Variants in SGIP1 observed in about 807,000 individuals in gnomAD.
SGIP1 encodes the protein SH3-containing GRB2-like protein 3-interacting protein 1.
In SGIP1, 38 loss-of-function variants were observed where a neutral mutation model predicts 107.5. The observed-to-expected ratio is 0.35, with a 90% confidence interval of 0.27 to 0.46. The LOEUF (loss-of-function observed/expected upper bound fraction) is 0.46. SGIP1 is among the 20% of genes least tolerant of loss of function. SGIP1 has a pLI of 1.00. For missense variants in SGIP1, 929 were observed against 1,019.5 expected, an observed-to-expected ratio of 0.91 and a Z score of 1.21; for synonymous variants, 365 against 366.1, an observed-to-expected ratio of 1.00 and a Z score of 0.03.
At chr1:66,543,785 C>T (rs553358408) in intron 1 of SGIP1, among the ~76,000 whole-genome samples, 54 of 152,178 alleles carry the variant, frequency 3.5e-4, no homozygotes, top group African/African-American at 1.0e-3. Flanking sequence ...CTCAGCTTCC[C>T]CATTTGTAAG....
intron 5 of SGIP1, among the ~76,000 whole-genome samples, chr1:66,641,875 G>A (rs2076857068): frequency 6.6e-6 from 1 of 152,070 alleles, no homozygotes; most frequent in Admixed American, 6.6e-5. Flanking sequence ...CCTTCCCTCT[G>A]CTTTTTCTCC....
In SGIP1 at chr1:66,676,985, T is replaced by A. The variant is rs866789122; in HGVS notation, c.647-19T>A. On this transcript the variant is annotated intron_variant, in intron 12 of 24. Coordinates refer to ENST00000371037, the MANE Select transcript of SGIP1 (RefSeq NM_032291.4). ...ATTTTTTTTAACTCACCCTGGGAAA[T>A]CTTCTTTTTTGTTTCCAGTTCTTTT... is the stretch of plus-strand genomic sequence containing the variant. 6.3e-7 allele frequency: 1 copy of A among 1,580,010 alleles called. No individual in the cohort carries two copies. The highest frequency in any genetic ancestry group is 8.6e-7 in the Non-Finnish European group (1 of 1,168,630).
chr1:66,542,347 G>A (rs966960910), intron 1 of SGIP1, among the ~76,000 whole-genome samples: 1 of 152,048 alleles, frequency 6.6e-6, no homozygotes, highest in African/African-American at 2.4e-5. Context: ...ATGTGAATGC[G>A]GTGTCTGTCT....
chr1:66,736,427 G>A (rs947434216), intron 21 of SGIP1, among the ~76,000 whole-genome samples: 7 of 94,606 alleles, frequency 7.4e-5, no homozygotes, highest in Admixed American at 1.0e-4. Context: ...AATATATTGC[G>A]TATTATATGT....
At chr1:66,575,068 A>G (rs1252176671) in intron 1 of SGIP1, among the ~76,000 whole-genome samples, 4 of 152,200 alleles carry the variant, frequency 2.6e-5, no homozygotes, top group Admixed American at 2.6e-4. Context: ...AGCAGAGTTT[A>G]TGAAGTTGCC....
At chr1:66,593,661 A>G (rs1023716951) in intron 1 of SGIP1, among the ~76,000 whole-genome samples, 2 of 152,152 alleles carry the variant, frequency 1.3e-5, no homozygotes, top group Non-Finnish European at 2.9e-5. Context: ...AATTCCAGCT[A>G]CTCAGGAGGC....
At chr1:66,737,598 C>T (rs1311606897) in intron 21 of SGIP1, among the ~76,000 whole-genome samples, 3 of 152,126 alleles carry the variant, frequency 2.0e-5, no homozygotes, top group Non-Finnish European at 2.9e-5. Context: ...TTTCTACTGG[C>T]CACTGACCTC....
chr1:66,716,518 G>A (rs918365165), intron 18 of SGIP1, among the ~76,000 whole-genome samples: 8 of 151,772 alleles, frequency 5.3e-5, no homozygotes, highest in Non-Finnish European at 7.4e-5. Flanking sequence ...ACCACACTTT[G>A]AGCCTTGGTT....
In SGIP1 at chr1:66,719,306, G is replaced by T; in HGVS notation, c.1643G>T (p.Gly548Val). 6.2e-7 allele frequency: 1 copy of T among 1,611,272 alleles called. No homozygotes were observed. The highest frequency in any genetic ancestry group is 2.2e-5 in the East Asian group (1 of 44,808). The change falls in exon 19 of 25, where the codon GGA becomes GTA. Residue 548 changes from glycine to valine, a missense_variant. Physicochemically the swap from Gly to Val is moderately radical, Grantham distance 109. This residue lies in a region of SGIP1 where 341 missense variants were observed against 430.9 expected (regional missense o/e 0.79). Coordinates refer to ENST00000371037, the MANE Select transcript of SGIP1 (RefSeq NM_032291.4). Reference sequence around the variant, plus strand: ...TCATTTCATGCAGGTTCTTCCAGGGGACCCAGCCCCCTAACCATGGGAGCT... The same window carrying T: ...TCATTTCATGCAGGTTCTTCCAGGGTACCCAGCCCCCTAACCATGGGAGCT... Reference protein sequence around the residue: ...FYLTFEGSSRGPSPLTMGAQD... With the variant: ...FYLTFEGSSRVPSPLTMGAQD...
intron 21 of SGIP1, among the ~76,000 whole-genome samples, chr1:66,737,118 A>T (rs2094290826): frequency 2.0e-5 from 3 of 152,146 alleles, no homozygotes; most frequent in Admixed American, 2.0e-4. Context: ...TAAGAAAGGA[A>T]AACTCTAAAT....
At chr1:66,694,567 C>T in intron 17 of SGIP1, 1 of 1,354,492 alleles carries the variant, frequency 7.4e-7, no homozygotes, top group Non-Finnish European at 9.9e-7. Flanking sequence ...CATTATCCAT[C>T]TGAATGCTAT....
chr1:66,560,675 CATTTACTAATAAAT>C (rs1300779718), intron 1 of SGIP1, among the ~76,000 whole-genome samples: 6 of 152,000 alleles, frequency 3.9e-5, no homozygotes, highest in Admixed American at 6.6e-5. Flanking sequence ...ACTTTTTCCT[CATTTACTAATAAAT>C]ATTTACTAAT....
intron 11 of SGIP1, among the ~76,000 whole-genome samples, chr1:66,672,227 G>C (rs1037387077): frequency 6.6e-6 from 1 of 152,136 alleles, no homozygotes; most frequent in Non-Finnish European, 1.5e-5. Flanking sequence ...CTGTCTATCA[G>C]AATGTGCAGG....
At chr1:66,669,123 AAAC>A (rs1388986739) in intron 9 of SGIP1, among the ~76,000 whole-genome samples, 3 of 152,220 alleles carry the variant, frequency 2.0e-5, no homozygotes, top group Non-Finnish European at 4.4e-5. Context: ...CCTAATTTCT[AAAC>A]AACAGAGTTT....
At chr1:66,726,037 G>A (rs1373492358) in intron 19 of SGIP1, among the ~76,000 whole-genome samples, 2 of 152,164 alleles carry the variant, frequency 1.3e-5, no homozygotes, top group East Asian at 3.9e-4. Flanking sequence ...AGCTGTCTGT[G>A]CTACCAGGCA....
chr1:66,749,721 G>A lies in SGIP1; in HGVS notation c.*6626G>A, dbSNP rs1368954093. Among the ~76,000 whole-genome samples, 2 of 151,734 alleles carry A rather than the reference G, an allele frequency of 1.3e-5. No individual in the cohort carries two copies. The highest frequency in any genetic ancestry group is 4.8e-5 in the African/African-American group (2 of 41,318). On this transcript the variant is annotated 3_prime_UTR_variant, in exon 25 of 25. Coordinates refer to ENST00000371037, the MANE Select transcript of SGIP1 (RefSeq NM_032291.4). ...ATCATACAAATGTTAATTCCATCTCGCTCATTCAGTTTTACATTACTTTTA... is the reference window on the plus strand; with the variant it reads ...ATCATACAAATGTTAATTCCATCTCACTCATTCAGTTTTACATTACTTTTA...
chr1:66,684,221 G>A, intron 15 of SGIP1: 1 of 1,550,330 alleles, frequency 6.5e-7, no homozygotes, highest in Non-Finnish European at 8.7e-7. Flanking sequence ...TTGTTAACCA[G>A]TGTGCTCTCC....
chr1:66,593,912 A>G (rs2064127978), intron 1 of SGIP1, among the ~76,000 whole-genome samples: 1 of 152,224 alleles, frequency 6.6e-6, no homozygotes, highest in Admixed American at 6.5e-5. Flanking sequence ...CATACTTTAA[A>G]GAATATTTAT....
chr1:66,551,992 A>G (rs1319087725), intron 1 of SGIP1, among the ~76,000 whole-genome samples: 1 of 152,108 alleles, frequency 6.6e-6, no homozygotes, highest in Non-Finnish European at 1.5e-5. Context: ...ATCTCTCACC[A>G]TACCTCTATG....
Sources: allele counts gnomAD v4.1 joint callset (sites outside exome capture counted in the v4.1 genomes callset), GRCh38; gene constraint gnomAD v4.1.1; regional missense constraint gnomAD v4.1.1; transcripts MANE v1.5; gene names NCBI Gene and HGNC (gene_info 2026-07-23, HGNC 2026-07-21).